The following TPTE variants were observed in gnomAD, a reference collection of about 807,000 sequenced individuals.
TPTE encodes the protein transmembrane phosphatase with tensin homology.
TPTE carries 59 observed loss-of-function variants against 84.1 expected under a neutral mutation model. The observed-to-expected ratio is 0.70, with a 90% CI of 0.57 to 0.87. The LOEUF is 0.87. TPTE is among the 40% of genes least tolerant of loss of function. TPTE has a pLI of 0.00. For synonymous variants in TPTE, 130 were observed against 223.5 expected (o/e 0.58, Z 3.73); for missense variants, 382 against 659.6 (o/e 0.58, Z 4.61).
At chr21:10,545,383 G>A (rs900377227) in intron 7 of TPTE, among the ~76,000 whole-genome samples, 2 of 152,310 alleles carry the variant, frequency 1.3e-5, no homozygotes, top group African/African-American at 4.8e-5. Flanking sequence ...CCAAATCATT[G>A]ACATACACAT....
intron 8 of TPTE, among the ~76,000 whole-genome samples, chr21:10,553,304 T>C (rs2074616875): frequency 6.6e-6 from 1 of 152,300 alleles, no homozygotes; most frequent in Non-Finnish European, 1.5e-5. Context: ...CAGGAGATTT[T>C]TCTTCTGCTT....
chr21:10,558,876 T>A (rs1344684932), intron 8 of TPTE, among the ~76,000 whole-genome samples: 49 of 152,400 alleles, frequency 3.2e-4, no homozygotes, highest in Non-Finnish European at 5.6e-4. Flanking sequence ...TATTGGAGGC[T>A]CCATCAAACA....
At chr21:10,523,210 A>G (rs2074015155) in intron 1 of TPTE, among the ~76,000 whole-genome samples, 1 of 152,308 alleles carries the variant, frequency 6.6e-6, no homozygotes, top group African/African-American at 2.4e-5. Flanking sequence ...CTCTGAGGTT[A>G]TTATCCTGTG....
At chr21:10,555,614 A>G (rs1463459922) in intron 8 of TPTE, among the ~76,000 whole-genome samples, 4 of 152,420 alleles carry the variant, frequency 2.6e-5, no homozygotes, top group Non-Finnish European at 4.4e-5. Context: ...TCAATATGCA[A>G]TATGAGAGTA....
At chr21:10,574,082 T>A (rs2075101677) in intron 14 of TPTE, among the ~76,000 whole-genome samples, 1 of 152,282 alleles carries the variant, frequency 6.6e-6, no homozygotes, top group Non-Finnish European at 1.5e-5. Flanking sequence ...CCAAAATGTG[T>A]TTTCTTAGGT....
intron 8 of TPTE, among the ~76,000 whole-genome samples, chr21:10,556,701 CTGT>C (rs2074690966): frequency 6.6e-6 from 1 of 152,312 alleles, no homozygotes; most frequent in African/African-American, 2.4e-5. Context: ...TCTCCAGCAC[CTGT>C]TGTTTCTTGA....
intron 10 of TPTE, among the ~76,000 whole-genome samples, chr21:10,563,410 GACTAA>G (rs1205409532): frequency 9.8e-5 from 15 of 152,416 alleles, no homozygotes; most frequent in East Asian, 1.9e-4. Flanking sequence ...TAAGTAGAGA[GACTAA>G]ACTATGAGCC....
At chr21:10,552,033 C>G (rs975630049) in intron 7 of TPTE, among the ~76,000 whole-genome samples, 1 of 152,308 alleles carries the variant, frequency 6.6e-6, no homozygotes, top group East Asian at 1.9e-4. Flanking sequence ...GAAATTGTCT[C>G]AGCCACTCTG....
intron 3 of TPTE, among the ~76,000 whole-genome samples, chr21:10,528,856 A>G (rs1281428636): frequency 1.3e-5 from 2 of 152,304 alleles, no homozygotes; most frequent in Non-Finnish European, 2.9e-5. Flanking sequence ...AATATGGCCC[A>G]AGGATTCTAC....
chr21:10,544,139 T>A lies in TPTE; in HGVS notation c.173+757T>A, dbSNP rs201544735. Among the ~76,000 whole-genome samples the A allele has an allele frequency of 2.1e-4, 32 of 152,410 alleles. No homozygotes were observed. The East Asian group carries it at 5.2e-3, about 25-fold the overall frequency. On this transcript the variant is annotated intron_variant, in intron 7 of 23. Transcript: ENST00000618007. The stretch of plus-strand genomic sequence containing the variant: ...AAAGGTGTAAGTAATATGGAAAACC[T>A]GATTCAAGTTAATTATAGTGTAATG...
intron 20 of TPTE, among the ~76,000 whole-genome samples, 159 bp downstream of exon 20, chr21:10,596,246 C>T (rs1339096256): frequency 6.6e-6 from 1 of 152,312 alleles, no homozygotes; most frequent in African/African-American, 2.4e-5. Flanking sequence ...GCCGCTCCTC[C>T]TGCAATTGCC....
At chr21:10,562,741 AAC>A (rs2074834554) in intron 10 of TPTE, among the ~76,000 whole-genome samples, 1 of 152,222 alleles carries the variant, frequency 6.6e-6, no homozygotes, top group Non-Finnish European at 1.5e-5. Context: ...AAGAATAAAA[AAC>A]AACGACGCCT....
chr21:10,538,113 A>T (rs1296140374), intron 3 of TPTE, among the ~76,000 whole-genome samples: 9 of 152,296 alleles, frequency 5.9e-5, no homozygotes, highest in African/African-American at 2.2e-4. Context: ...ACAGGAAAGG[A>T]CAGCAGGGAC....
intron 17 of TPTE, among the ~76,000 whole-genome samples, chr21:10,580,467 C>T (rs1243942429): frequency 6.6e-6 from 1 of 152,426 alleles, no homozygotes; most frequent in African/African-American, 2.4e-5. Flanking sequence ...ATCTTTTCTT[C>T]TAGTAGTTTT....
chr21:10,556,485 T>C (rs2074686698), intron 8 of TPTE, among the ~76,000 whole-genome samples: 1 of 152,312 alleles, frequency 6.6e-6, no homozygotes, highest in African/African-American at 2.4e-5. Context: ...CTATTGTGAA[T>C]AGTGCCGCAA....
Position 10,542,498 on chromosome 21 carries a change from C to G in TPTE, c.119+50C>G, listed in dbSNP as rs370970651. Reference sequence around the variant, plus strand: ...CCCGTCAGCATAAGTGTGCATAGAACTATACACACACAGGCACATGAGCAA... The same window carrying G: ...CCCGTCAGCATAAGTGTGCATAGAAGTATACACACACAGGCACATGAGCAA... On this transcript the variant is annotated intron_variant, in intron 6 of 23. Transcript: ENST00000618007. The G allele has an allele frequency of 3.8e-6, 6 of 1,599,122 alleles. No homozygotes were observed. The Admixed American group carries it at 6.7e-5, about 18-fold the overall frequency.
intron 4 of TPTE, chr21:10,540,704 C>T: frequency 9.6e-6 from 5 of 519,472 alleles, no homozygotes; most frequent in South Asian, 5.6e-5. Flanking sequence ...AGCTACTTGG[C>T]CGCAACTCTT....
At chr21:10,541,911 G>A (rs533848143) in intron 5 of TPTE, among the ~76,000 whole-genome samples, 2 of 152,424 alleles carry the variant, frequency 1.3e-5, no homozygotes, top group East Asian at 1.9e-4. Context: ...CACCACAGAG[G>A]CTGGTGCTCC....
chr21:10,560,788 C>T (rs1439892412), intron 9 of TPTE, among the ~76,000 whole-genome samples: 3 of 152,402 alleles, frequency 2.0e-5, no homozygotes, highest in South Asian at 4.1e-4. Flanking sequence ...GATGTGTTTA[C>T]TATAATATCT....
Sources: gnomAD v4.1 joint callset for allele counts (sites outside exome capture counted in the v4.1 genomes callset) on GRCh38, gnomAD v4.1.1 for gene constraint, MANE v1.5 for transcripts, NCBI Gene and HGNC (gene_info 2026-07-23, HGNC 2026-07-21) for gene names.